Variants in TRIM33 observed in about 807,000 individuals in gnomAD.
TRIM33 encodes the protein E3 ubiquitin-protein ligase TRIM33.
A neutral mutation model predicts 125.4 loss-of-function variants in TRIM33; 20 were observed. The observed-to-expected ratio is 0.16, with a 90% CI of 0.11 to 0.23. The LOEUF (loss-of-function observed/expected upper bound fraction) is 0.23. TRIM33 is among the 10% of genes least tolerant of loss of function. The pLI is 1.00. For synonymous variants in TRIM33, 564 were observed against 513.9 expected, an observed-to-expected ratio of 1.10 and a Z score of -1.32; for missense variants, 920 against 1,411.4, an observed-to-expected ratio of 0.65 and a Z score of 5.58.
At chr1:114,434,736 C>A (rs1648172653) in intron 4 of TRIM33, among the ~76,000 whole-genome samples, 1 of 152,028 alleles carries the variant, frequency 6.6e-6, no homozygotes, top group Admixed American at 6.6e-5. Context: ...AACAAATAGT[C>A]ACAAATACAA....
In TRIM33 at chr1:114,421,537, T is replaced by A. The variant is rs1197939835; in HGVS notation, c.1960A>T (p.Asn654Tyr). 2 of 1,614,020 alleles carry A rather than the reference T, an allele frequency of 1.2e-6. No homozygotes were observed. The highest frequency in any genetic ancestry group is 1.3e-5 in the African/African-American group (1 of 74,898). Residue 654 changes from asparagine to tyrosine, a missense_variant, in exon 11 of 20, where the codon AAC becomes TAC. By Grantham distance (143) the Asn-to-Tyr change is moderately radical (BLOSUM62 -2). Transcript: ENST00000358465. ...ACAGATGGGCTGGTGGGACCTCGGT[T>A]TGCATTTGCCATAGTTGCTGTAGTA... is the stretch of plus-strand genomic sequence containing the variant. ...SPTTATMANA[N>Y]RGPTSPSVTA... is the part of the protein sequence containing the mutation.
At chr1:114,466,529 C>T (rs1557882206) in intron 1 of TRIM33, among the ~76,000 whole-genome samples, 1 of 152,128 alleles carries the variant, frequency 6.6e-6, no homozygotes. Context: ...TAAGCCATAC[C>T]GTGTTTGACC....
At position 114,458,825 on chromosome 1, in the gene TRIM33, TG is replaced by T. The variant is rs1342691750; in HGVS notation, c.923+4278del. Among the ~76,000 whole-genome samples, 20 of 152,290 alleles carry T rather than the reference TG, an allele frequency of 1.3e-4. 1 individual carries two copies. In the East Asian group the frequency reaches 3.5e-3, roughly 27 times the overall value. Reference sequence around the variant, plus strand: ...TGGTTACTGTTAAGTATTTTTTTAATGGGGGCTCAACTATACGTTAGCAAAA... The same window carrying T: ...TGGTTACTGTTAAGTATTTTTTTAATGGGGCTCAACTATACGTTAGCAAAA... On this transcript the variant is annotated intron_variant, in intron 4 of 19. Coordinates refer to ENST00000358465, the MANE Select transcript of TRIM33 (RefSeq NM_015906.4).
Position 114,394,177 on chromosome 1 carries a change from AAACTACT to A in TRIM33, c.*3464_*3470del, listed in dbSNP as rs1651421692. ...GAGTTGGGTGCGTGGATTTTTTATA[AAACTACT>A]CACTGATCCGATGCTGAGTATGCAA... On this transcript the variant is annotated 3_prime_UTR_variant, in exon 20 of 20. Coordinates refer to ENST00000358465, the MANE Select transcript of TRIM33 (RefSeq NM_015906.4). 1 of 229,118 alleles carries A rather than the reference AAACTACT, an allele frequency of 4.4e-6. No homozygotes were observed. The highest frequency in any genetic ancestry group is 8.7e-6 in the Non-Finnish European group (1 of 115,320). 14.2% of individuals were successfully genotyped at this position (229,118 alleles called of 1,614,324 possible).
chr1:114,421,549 T>C lies in TRIM33; in HGVS notation c.1948A>G (p.Met650Val), dbSNP rs746296517. 1.5e-5 allele frequency: 24 copies of C among 1,614,002 alleles called. No homozygotes were observed. Among genetic ancestry groups the C allele is most frequent in the Non-Finnish European group, 1.9e-5 (23 of 1,180,014 alleles). The change falls in exon 11 of 20, where the codon ATG becomes GTG. Residue 650 changes from methionine (M) to valine (V), a missense_variant. Coordinates refer to ENST00000358465, the MANE Select transcript of TRIM33 (RefSeq NM_015906.4). ...INPTSPTTAT[M>V]ANANRGPTSP... ...GTGGGACCTCGGTTTGCATTTGCCA[T>C]AGTTGCTGTAGTAGGGCTCGTTGGG...
At chr1:114,426,607 T>C (rs1647602837) in intron 8 of TRIM33, among the ~76,000 whole-genome samples, 1 of 152,036 alleles carries the variant, frequency 6.6e-6, no homozygotes, top group African/African-American at 2.4e-5. Flanking sequence ...ACTCAATCTG[T>C]AAATAGCTCT....
Position 114,396,622 on chromosome 1 carries a change from C to A in TRIM33, c.*1026G>T. On this transcript the variant is annotated 3_prime_UTR_variant, in exon 20 of 20. Transcript: ENST00000358465. Reference sequence around the variant, plus strand: ...TAAGAATACACATTAGCTTAAAAAACAGGCTCAGCAAATGTTGCTGATCTG... The same window carrying A: ...TAAGAATACACATTAGCTTAAAAAAAAGGCTCAGCAAATGTTGCTGATCTG... 5.0e-6 allele frequency: 1 copy of A among 200,106 alleles called. No individual in the cohort carries two copies. The allele number at this position is 200,106 out of a possible 1,614,324, so 12.4% of individuals were successfully genotyped here.
rs1234886252 is a variant in TRIM33 at position 114,424,606 on chromosome 1, T to G, written c.1845A>C (p.Pro615=). 1 of 1,592,474 alleles carries G rather than the reference T, an allele frequency of 6.3e-7. No individual in the cohort carries two copies. The highest frequency in any genetic ancestry group is 8.5e-7 in the Non-Finnish European group (1 of 1,172,382). Residue 615 remains proline, a synonymous_variant, in exon 10 of 20, where the codon CCA becomes CCC. Coordinates refer to ENST00000358465, the MANE Select transcript of TRIM33 (RefSeq NM_015906.4). The part of the protein sequence containing the change: ...HSGPQYSMMQ[P]HLQRQHSNPG... ...CTAGGCATACTTGTCTTTGGAGGTGTGGCTGCATCATGGAATATTGAGGGC... is the reference window on the plus strand; with the variant it reads ...CTAGGCATACTTGTCTTTGGAGGTGGGGCTGCATCATGGAATATTGAGGGC...
chr1:114,420,083 T>A (rs1653184579), intron 11 of TRIM33, among the ~76,000 whole-genome samples: 1 of 152,228 alleles, frequency 6.6e-6, no homozygotes, highest in South Asian at 2.1e-4. Flanking sequence ...ATACAATGCA[T>A]AAAACTAAAT....
chr1:114,442,456 G>C (rs959143448), intron 4 of TRIM33, among the ~76,000 whole-genome samples: 2 of 151,928 alleles, frequency 1.3e-5, no homozygotes, highest in Non-Finnish European at 2.9e-5. Context: ...TTGGGAGGCC[G>C]AGGTGGGTGG....
chr1:114,451,428 C>G (rs1173643821), intron 4 of TRIM33, among the ~76,000 whole-genome samples: 1 of 148,224 alleles, frequency 6.7e-6, no homozygotes. Flanking sequence ...TTCTCCCATT[C>G]TTAGTCTTTG....
At chr1:114,499,793 C>T (rs11102802) in intron 1 of TRIM33, among the ~76,000 whole-genome samples, 43,922 of 151,970 alleles carry the variant, frequency 0.29, 6,755 homozygotes, top group African/African-American at 0.37. Context: ...CAGAAGCAAG[C>T]AGTAAAATAA....
At chr1:114,410,414 C>A (rs1652512093) in intron 11 of TRIM33, 98 bp from the exon 12 acceptor site, 7 of 1,194,032 alleles carry the variant, frequency 5.9e-6, no homozygotes, top group Non-Finnish European at 8.1e-6. Flanking sequence ...AATAAACTAA[C>A]AGATTATCCA....
chr1:114,492,038 A>G (rs146347419), intron 1 of TRIM33, among the ~76,000 whole-genome samples: 26 of 152,274 alleles, frequency 1.7e-4, no homozygotes, highest in Middle Eastern at 3.4e-3. Flanking sequence ...CAACAAGGAC[A>G]CATATTTATG....
rs181900100 is a variant in TRIM33 at position 114,492,568 on chromosome 1, C to T, written c.526+17983G>A. Among the ~76,000 whole-genome samples, 254 of 152,278 alleles carry T rather than the reference C, an allele frequency of 1.7e-3. 3 individuals are homozygous for T. The highest frequency in any genetic ancestry group is 5.7e-3 in the African/African-American group (236 of 41,556). On this transcript the variant is annotated intron_variant, in intron 1 of 19. Transcript: ENST00000358465. The stretch of plus-strand genomic sequence containing the variant: ...CCTCCCCCACTCCCATCCTAAACAA[C>T]TCTCTATTCCCTCCCTATTCTCCCT...
intron 1 of TRIM33, among the ~76,000 whole-genome samples, chr1:114,464,965 C>A (rs564376013): frequency 1.3e-5 from 2 of 152,312 alleles, no homozygotes; most frequent in South Asian, 4.1e-4. Flanking sequence ...AAGGACCAGT[C>A]CTGCCACCAC....
chr1:114,438,614 A>G (rs1648457375), intron 4 of TRIM33, among the ~76,000 whole-genome samples: 1 of 152,214 alleles, frequency 6.6e-6, no homozygotes, highest in South Asian at 2.1e-4. Flanking sequence ...GAAAAACTTA[A>G]TGACTTAGAT....
chr1:114,468,758 T>A, intron 1 of TRIM33: 1 of 387,986 alleles, frequency 2.6e-6, no homozygotes, highest in South Asian at 2.1e-5. Flanking sequence ...TTCTAGAAGA[T>A]GAAGACAGCA....
intron 8 of TRIM33, 26 bp downstream of exon 8, chr1:114,427,151 T>C (rs778859182): frequency 3.5e-6 from 4 of 1,138,668 alleles, no homozygotes; most frequent in South Asian, 2.9e-5. Flanking sequence ...TTCCAAGTTA[T>C]ATTCATAAAA....
Sources: allele counts gnomAD v4.1 joint callset (sites outside exome capture counted in the v4.1 genomes callset), GRCh38; gene constraint gnomAD v4.1.1; transcripts MANE v1.5; gene names NCBI Gene and HGNC (gene_info 2026-07-23, HGNC 2026-07-21).